The following LGALS9 variants were observed in gnomAD, a reference collection of about 807,000 sequenced individuals.
LGALS9 encodes galectin-9.
LGALS9 carries 26 observed loss-of-function variants against 35.9 expected under a neutral mutation model. The observed-to-expected ratio is 0.72, with a 90% CI of 0.53 to 1.01. LGALS9 has a LOEUF of 1.01. Ranked by LOEUF, LGALS9 falls within the 50% of genes least tolerant of loss-of-function variation. The pLI is 0.00. For synonymous variants in LGALS9, 149 were observed against 172.2 expected (o/e 0.87, Z 1.06); for missense variants, 347 against 445.8 (o/e 0.78, Z 1.99).
At chr17:27,646,997 G>A (rs1196423195) in intron 8 of LGALS9, 33 bp from the exon 9 acceptor site, 9 of 1,613,628 alleles carry the variant, frequency 5.6e-6, no homozygotes, top group Non-Finnish European at 5.9e-6. Context: ...CCCCTTCCGC[G>A]TGGTGGCTGA....
chr17:27,636,172 T>A (rs1476596339), intron 1 of LGALS9, among the ~76,000 whole-genome samples: 4 of 152,338 alleles, frequency 2.6e-5, no homozygotes, highest in South Asian at 2.1e-4. Flanking sequence ...GTCACACAAC[T>A]CAACAATACA....
intron 6 of LGALS9, 84 bp downstream of exon 6, chr17:27,645,433 C>T: frequency 2.6e-6 from 4 of 1,551,262 alleles, no homozygotes; most frequent in Non-Finnish European, 3.5e-6. Context: ...CATTGGGCCT[C>T]TCCCATTGGG....
chr17:27,637,555 C>T (rs1216985389), intron 1 of LGALS9, among the ~76,000 whole-genome samples: 6 of 152,282 alleles, frequency 3.9e-5, no homozygotes, highest in South Asian at 2.1e-4. Flanking sequence ...GGGGAAACCA[C>T]GCTAGGCCTC....
intron 5 of LGALS9, 124 bp from the exon 6 acceptor site, chr17:27,645,190 G>C (rs544565557): frequency 1.3e-6 from 2 of 1,581,316 alleles, no homozygotes; most frequent in African/African-American, 2.7e-5. Flanking sequence ...GGGAGCAAGA[G>C]GGAGGTGGGT....
intron 7 of LGALS9, 83 bp from the exon 8 acceptor site, chr17:27,646,464 C>G (rs1369579112): frequency 3.7e-6 from 6 of 1,604,126 alleles, no homozygotes; most frequent in Admixed American, 1.7e-5. Flanking sequence ...GTGGAGTCCT[C>G]TCTAGAACGC....
intron 3 of LGALS9, among the ~76,000 whole-genome samples, chr17:27,641,434 G>A (rs1339737359): frequency 6.6e-6 from 1 of 152,182 alleles, no homozygotes; most frequent in Non-Finnish European, 1.5e-5. Context: ...CGCAGGAGCA[G>A]AAAACCAAAC....
rs149905894 is a variant in LGALS9 at position 27,646,583 on chromosome 17, G to A, written c.664G>A (p.Ala222Thr). The change falls in exon 8 of 11, where the codon GCC becomes ACC. Residue 222 changes from alanine (A) to threonine (T), a missense_variant. Transcript: ENST00000395473. Reference protein sequence around the residue: ...AIPPMMYPHPAYPMPFITTIL... With the variant: ...AIPPMMYPHPTYPMPFITTIL... ...CCCACCTATGATGTACCCCCACCCC[G>A]CCTATGTAAGTGGTTTCTCAGGGAG... The A allele has an allele frequency of 9.1e-4, 1,460 of 1,612,430 alleles. No homozygotes were observed. Among genetic ancestry groups the A allele is most frequent in the African/African-American group, 2.9e-3 (221 of 74,976 alleles).
In LGALS9 at chr17:27,644,993, T is replaced by G. The variant is rs546816418; in HGVS notation, c.541-321T>G. 1.9e-3 allele frequency: 772 copies of G among 400,530 alleles called. 5 individuals carry two copies. Among genetic ancestry groups the G allele is most frequent in the African/African-American group, 3.3e-3 (159 of 48,096 alleles). The allele number at this position is 400,530 out of a possible 1,614,324, so 24.8% of individuals were successfully genotyped here. A position where few individuals can be genotyped will look rare whatever the true frequency, so the allele number is the denominator to read the frequency against. Reference sequence around the variant, plus strand: ...TCAACAAATACCACTTCTCACCTTATGGGTGAAATATGGCACTGGAAGTAA... The same window carrying G: ...TCAACAAATACCACTTCTCACCTTAGGGGTGAAATATGGCACTGGAAGTAA... On this transcript the variant is annotated intron_variant, in intron 5 of 10. Transcript: ENST00000395473.
chr17:27,646,991 T>A, intron 8 of LGALS9, 39 bp from the exon 9 acceptor site: 1 of 1,613,518 alleles, frequency 6.2e-7, no homozygotes, highest in Admixed American at 1.7e-5. Context: ...AATCTTCCCC[T>A]TCCGCGTGGT....
At position 27,649,340 on chromosome 17, in the gene LGALS9, T is replaced by C; in HGVS notation, c.*358T>C. The C allele has an allele frequency of 2.8e-6, 1 of 358,038 alleles. No homozygotes were observed. Among genetic ancestry groups the C allele is most frequent in the Non-Finnish European group, 5.4e-6 (1 of 185,840 alleles). 22.2% of individuals were successfully genotyped at this position (358,038 alleles called of 1,614,324 possible). A position where few individuals can be genotyped will look rare whatever the true frequency, so the allele number is the denominator to read the frequency against. On this transcript the variant is annotated 3_prime_UTR_variant, in exon 11 of 11. Coordinates refer to ENST00000395473, the MANE Select transcript of LGALS9 (RefSeq NM_009587.3). ...TCCACCCCAGTCCCAAGCCACCAGC[T>C]GTCTGCTCCTGGTGGGAGGTGGCCT...
chr17:27,647,475 G>A (rs371415499), intron 10 of LGALS9, 43 bp downstream of exon 10: 2 of 1,611,418 alleles, frequency 1.2e-6, no homozygotes, highest in African/African-American at 2.7e-5. Flanking sequence ...TCCCATGGGT[G>A]CACAGGGGGA....
intron 3 of LGALS9, among the ~76,000 whole-genome samples, chr17:27,641,474 T>G (rs986849462): frequency 6.6e-6 from 1 of 152,098 alleles, no homozygotes; most frequent in Non-Finnish European, 1.5e-5. Flanking sequence ...AAGTAGGAGC[T>G]GAACGATGAG....
rs1269050855 is a variant in LGALS9, at chr17:27,637,597, G to A, written c.40-666G>A. The stretch of plus-strand genomic sequence containing the variant: ...GCTGAGGGCCTGAGGGAAGGAATGG[G>A]GAGCCCGGGCACAGAAATAGAGGAG... On this transcript the variant is annotated intron_variant, in intron 1 of 10. Coordinates refer to ENST00000395473, the MANE Select transcript of LGALS9 (RefSeq NM_009587.3). Among the ~76,000 whole-genome samples, 5 of 152,226 alleles carry A rather than the reference G, an allele frequency of 3.3e-5. No homozygotes were observed. The East Asian group carries it at 9.6e-4, about 29-fold the overall frequency.
At chr17:27,642,604 C>T (rs560524097) in intron 4 of LGALS9, among the ~76,000 whole-genome samples, 1 of 152,110 alleles carries the variant, frequency 6.6e-6, no homozygotes, top group East Asian at 1.9e-4. Context: ...CTTCATCCCT[C>T]AGTTTCCATC....
intron 1 of LGALS9, among the ~76,000 whole-genome samples, chr17:27,635,204 C>T (rs2151289283): frequency 6.6e-6 from 1 of 152,086 alleles, no homozygotes; most frequent in Admixed American, 6.5e-5. Flanking sequence ...AAATCTTGGC[C>T]CTTTGGGAGG....
At position 27,648,996 on chromosome 17, in the gene LGALS9, C is replaced by T. The variant is rs1567921125; in HGVS notation, c.*14C>T. 3.7e-6 allele frequency: 6 copies of T among 1,613,878 alleles called. No individual in the cohort carries two copies. Among genetic ancestry groups the T allele is most frequent in the Non-Finnish European group, 4.2e-6 (5 of 1,179,832 alleles). On this transcript the variant is annotated 3_prime_UTR_variant, in exon 11 of 11. Coordinates refer to ENST00000395473, the MANE Select transcript of LGALS9 (RefSeq NM_009587.3). ...GTGCAGACATAGGCGGCTTCCTGGC[C>T]CTGGGGCCGGGGGCTGGGGTGTGGG...
intron 1 of LGALS9, among the ~76,000 whole-genome samples, chr17:27,632,598 C>A (rs2074403796): frequency 6.6e-6 from 1 of 152,080 alleles, no homozygotes; most frequent in African/African-American, 2.4e-5. Flanking sequence ...CTGCCTTGGG[C>A]ATGTCACCCT....
chr17:27,637,008 C>T (rs1198890832), intron 1 of LGALS9, among the ~76,000 whole-genome samples: 9 of 152,190 alleles, frequency 5.9e-5, no homozygotes, highest in Middle Eastern at 3.4e-3. Context: ...CTCACCCATA[C>T]ACATCACCTG....
chr17:27,634,443 T>C (rs545111237), intron 1 of LGALS9, among the ~76,000 whole-genome samples: 1 of 152,106 alleles, frequency 6.6e-6, no homozygotes, highest in African/African-American at 2.4e-5. Context: ...CCTAGCTACC[T>C]GGGAGGCGGA....
Sources: allele counts gnomAD v4.1 joint callset (sites outside exome capture counted in the v4.1 genomes callset), GRCh38; gene constraint gnomAD v4.1.1; transcripts MANE v1.5; gene names NCBI Gene and HGNC (gene_info 2026-07-23, HGNC 2026-07-21).